NDRG3: variants seen among roughly 807,000 people sequenced by gnomAD.
NDRG3 encodes NDRG family member 3.
NDRG3 carries 23 observed loss-of-function variants against 57.2 expected under a neutral mutation model. The observed-to-expected ratio is 0.40, with a 90% CI of 0.29 to 0.57. The LOEUF is 0.57. Ranked by LOEUF, NDRG3 falls within the 20% of genes least tolerant of loss-of-function variation. NDRG3 has a pLI of 0.42. For synonymous variants in NDRG3, 132 were observed against 162.6 expected (o/e 0.81, Z 1.43); for missense variants, 384 against 457.3 (o/e 0.84, Z 1.46).
intron 3 of NDRG3, among the ~76,000 whole-genome samples, chr20:36,689,645 G>A (rs1323261454): frequency 2.6e-5 from 4 of 151,900 alleles, no homozygotes; most frequent in South Asian, 2.1e-4. Flanking sequence ...ATAAACTTAC[G>A]GCCATAGCTT....
At chr20:36,718,027 T>G (rs1405417198) in intron 2 of NDRG3, among the ~76,000 whole-genome samples, 1 of 152,250 alleles carries the variant, frequency 6.6e-6, no homozygotes, top group Non-Finnish European at 1.5e-5. Flanking sequence ...AGTAAGCTAC[T>G]TCACCTTTCC....
At chr20:36,665,352 C>T (rs1412015383) in intron 10 of NDRG3, 51 bp from the exon 11 acceptor site, 1 of 1,551,204 alleles carries the variant, frequency 6.4e-7, no homozygotes, top group Non-Finnish European at 8.9e-7. Flanking sequence ...GTCATAGCAA[C>T]TCAGGTTATT....
rs1461782371 is a variant in NDRG3 at position 36,677,698 on chromosome 20, C to T, written c.531+3118G>A. Among the ~76,000 whole-genome samples the T allele has an allele frequency of 2.6e-5, 4 of 152,292 alleles. No individual in the cohort carries two copies. The East Asian group carries it at 5.8e-4, about 22-fold the overall frequency. On this transcript the variant is annotated intron_variant, in intron 8 of 15. Transcript: ENST00000349004. Reference sequence around the variant, plus strand: ...CACCTTCTCCAGGGCCTCCTGTCGGCAAAGAGCTGAACACTCGACTGGACG... The same window carrying T: ...CACCTTCTCCAGGGCCTCCTGTCGGTAAAGAGCTGAACACTCGACTGGACG...
intron 7 of NDRG3, 59 bp from the exon 8 acceptor site, chr20:36,680,961 A>T (rs1981233540): frequency 1.4e-6 from 2 of 1,393,994 alleles, no homozygotes; most frequent in Non-Finnish European, 2.0e-6. Flanking sequence ...TCTTCTAAAC[A>T]GTTGGAACAT....
chr20:36,702,051 T>C (rs1238715620), intron 3 of NDRG3, among the ~76,000 whole-genome samples: 1 of 152,172 alleles, frequency 6.6e-6, no homozygotes, highest in African/African-American at 2.4e-5. Context: ...TAAATCATGA[T>C]CATTTCATGC....
chr20:36,665,369 TC>T, intron 10 of NDRG3, 68 bp from the exon 11 acceptor site: 4 of 1,351,544 alleles, frequency 3.0e-6, no homozygotes, highest in Non-Finnish European at 4.2e-6. Context: ...TATTTTCTGG[TC>T]ATAAACACCA....
intron 1 of NDRG3, among the ~76,000 whole-genome samples, chr20:36,725,890 C>T (rs979286556): frequency 2.0e-5 from 3 of 151,056 alleles, no homozygotes; most frequent in Non-Finnish European, 4.4e-5. Flanking sequence ...CTAAGGTGCC[C>T]TCAAGTCCAA....
chr20:36,722,000 T>C (rs1389112219), intron 1 of NDRG3, among the ~76,000 whole-genome samples: 2 of 152,056 alleles, frequency 1.3e-5, no homozygotes, highest in Non-Finnish European at 2.9e-5. Flanking sequence ...CCCCAGTGAG[T>C]GTGCGCAGGG....
At chr20:36,700,628 C>T in intron 3 of NDRG3, 1 of 368,174 alleles carries the variant, frequency 2.7e-6, no homozygotes, top group Non-Finnish European at 5.4e-6. Context: ...GCTCTCTATC[C>T]AGTTATCTCA....
intron 3 of NDRG3, 54 bp from the exon 4 acceptor site, chr20:36,688,838 G>T: frequency 7.3e-7 from 1 of 1,371,378 alleles, no homozygotes; most frequent in Non-Finnish European, 1.0e-6. Flanking sequence ...TTCCCAGGTT[G>T]CCAAAGTTTC....
chr20:36,710,150 T>C (rs995221059), intron 2 of NDRG3, among the ~76,000 whole-genome samples: 1 of 151,840 alleles, frequency 6.6e-6, no homozygotes, highest in Non-Finnish European at 1.5e-5. Flanking sequence ...CGAAATCCCA[T>C]CTCTATAAAA....
At chr20:36,714,527 C>T (rs1251785739) in intron 2 of NDRG3, among the ~76,000 whole-genome samples, 7 of 151,036 alleles carry the variant, frequency 4.6e-5, no homozygotes, top group Middle Eastern at 3.4e-3. Context: ...GAGCAACCTC[C>T]GCCTCCTGGG....
rs1978332825 is a variant in NDRG3, at chr20:36,652,810, G to A, written c.*710C>T. 1 of 152,176 alleles carries A rather than the reference G, an allele frequency of 6.6e-6. No individual in the cohort carries two copies. Among genetic ancestry groups the A allele is most frequent in the Admixed American group, 6.5e-5 (1 of 15,274 alleles). 9.4% of individuals were successfully genotyped at this position (152,176 alleles called of 1,614,324 possible). On this transcript the variant is annotated 3_prime_UTR_variant, in exon 16 of 16. Transcript: ENST00000349004. ...ATGTTGTATCAGAACCTCAGCGATG[G>A]TTCATGGGCTTCCAGCAGAATATAT...
chr20:36,695,530 G>A (rs1568649575), intron 3 of NDRG3, among the ~76,000 whole-genome samples: 1 of 152,152 alleles, frequency 6.6e-6, no homozygotes, highest in Non-Finnish European at 1.5e-5. Context: ...GGGACGGAGG[G>A]GGATCTCTAA....
At position 36,660,330 on chromosome 20, in the gene NDRG3, AC is replaced by A; in HGVS notation, c.858+6del. 1 of 1,601,472 alleles carries A rather than the reference AC, an allele frequency of 6.2e-7. No individual in the cohort carries two copies. The highest frequency in any genetic ancestry group is 8.5e-7 in the Non-Finnish European group (1 of 1,171,148). ...AGGGTTGGAAGTGAGGGAAGAAGGC[AC>A]ATTACCTTTAGCAAAGTTGTATTTA... On this transcript the variant is annotated splice_donor_region_variant and intron_variant, in intron 13 of 15. Coordinates refer to ENST00000349004, the MANE Select transcript of NDRG3 (RefSeq NM_032013.4).
At position 36,678,738 on chromosome 20, in the gene NDRG3, T is replaced by A. The variant is rs576775724; in HGVS notation, c.531+2078A>T. On this transcript the variant is annotated intron_variant, in intron 8 of 15. Coordinates refer to ENST00000349004, the MANE Select transcript of NDRG3 (RefSeq NM_032013.4). Reference sequence around the variant, plus strand: ...GCATAGCTTAACATTTAAAAGATGATGTAATTAAAAATTCTTATTTTAATG... The same window carrying A: ...GCATAGCTTAACATTTAAAAGATGAAGTAATTAAAAATTCTTATTTTAATG... 2.0e-5 allele frequency among the ~76,000 whole-genome samples: 3 copies of A among 152,366 alleles called. No individual in the cohort carries two copies. In the South Asian group the frequency reaches 6.2e-4, roughly 32 times the overall value.
rs191485389 is a variant in NDRG3 at position 36,736,471 on chromosome 20, C to G, written c.-49+9574G>C. Reference sequence around the variant, plus strand: ...TAGCATGCGGATTCCTAGCTCAGCTCTGAAAGAGATCCCAGAGTACTGGGC... The same window carrying G: ...TAGCATGCGGATTCCTAGCTCAGCTGTGAAAGAGATCCCAGAGTACTGGGC... On this transcript the variant is annotated intron_variant, in intron 1 of 15. Transcript: ENST00000349004. Among the ~76,000 whole-genome samples the G allele has an allele frequency of 6.4e-4, 98 of 152,296 alleles. 2 individuals are homozygous for G. In the South Asian group the frequency reaches 8.7e-3, roughly 14 times the overall value.
chr20:36,676,537 A>G (rs1256144676), intron 8 of NDRG3, among the ~76,000 whole-genome samples: 2 of 152,144 alleles, frequency 1.3e-5, no homozygotes, highest in Admixed American at 1.3e-4. Context: ...ATCTTGGCTC[A>G]CTGCAACCTC....
At chr20:36,654,817 G>A (rs1429002983) in intron 15 of NDRG3, 2 of 779,700 alleles carry the variant, frequency 2.6e-6, no homozygotes, top group African/African-American at 3.4e-5. Context: ...CGGTGCTCAG[G>A]TGACTGAGCT....
Sources: gnomAD v4.1 joint callset for allele counts (sites outside exome capture counted in the v4.1 genomes callset) on GRCh38, gnomAD v4.1.1 for gene constraint, MANE v1.5 for transcripts, NCBI Gene and HGNC (gene_info 2026-07-23, HGNC 2026-07-21) for gene names.